OR7A10: variants seen among roughly 807,000 people sequenced by gnomAD.
OR7A10 encodes the protein olfactory receptor 7A10.
For missense variants in OR7A10, 358 were observed against 370.1 expected (o/e 0.97, Z 0.27); for synonymous variants, 144 against 144.5 (o/e 1.00, Z 0.02).
intron 1 of OR7A10, among the ~76,000 whole-genome samples, chr19:14,847,878 A>C (rs1469593996): frequency 6.7e-6 from 1 of 149,414 alleles, no homozygotes; most frequent in Non-Finnish European, 1.5e-5. Context: ...TAATCCCAGC[A>C]CTTTGGGAGG....
chr19:14,844,294 C>T (rs1290135238), intron 1 of OR7A10, among the ~76,000 whole-genome samples: 1 of 152,180 alleles, frequency 6.6e-6, no homozygotes, highest in African/African-American at 2.4e-5. Flanking sequence ...ACTTTGCTTT[C>T]CTGTAAGACC....
chr19:14,842,188 G>A (rs73506450), intron 1 of OR7A10, among the ~76,000 whole-genome samples: 10,189 of 152,250 alleles, frequency 0.067, 521 homozygotes, highest in African/African-American at 0.14. Context: ...ACCATAGTAC[G>A]TAATAGGTGT....
At chr19:14,843,471 C>A (rs1007530522) in intron 1 of OR7A10, among the ~76,000 whole-genome samples, 1 of 152,190 alleles carries the variant, frequency 6.6e-6, no homozygotes, top group Non-Finnish European at 1.5e-5. Flanking sequence ...TGCAGCACAT[C>A]TTTTGAAGTT....
At chr19:14,845,803 C>T (rs1339278685) in intron 1 of OR7A10, among the ~76,000 whole-genome samples, 4 of 152,190 alleles carry the variant, frequency 2.6e-5, no homozygotes, top group Non-Finnish European at 5.9e-5. Context: ...TGTCTGCTGA[C>T]CTTTACAGGG....
In OR7A10 at chr19:14,848,482, G is replaced by C. The variant is rs891083924; in HGVS notation, c.-13+18C>G. 2.0e-5 allele frequency: 3 copies of C among 152,110 alleles called. No homozygotes were observed. Among genetic ancestry groups the C allele is most frequent in the African/African-American group, 7.2e-5 (3 of 41,410 alleles). 9.4% of individuals were successfully genotyped at this position (152,110 alleles called of 1,614,324 possible). Reference sequence around the variant, plus strand: ...TGCAATCTCCCTGATCCTTTCCTACGGTACCTATTGGACTCACCCTGTTGG... The same window carrying C: ...TGCAATCTCCCTGATCCTTTCCTACCGTACCTATTGGACTCACCCTGTTGG... On this transcript the variant is annotated intron_variant, in intron 1 of 1. Transcript: ENST00000641129.
In OR7A10 at chr19:14,841,691, G is replaced by T; in HGVS notation, c.187C>A (p.Leu63Ile). The T allele has an allele frequency of 3.1e-6, 5 of 1,614,184 alleles. 1 individual carries two copies. The South Asian group carries it at 5.5e-5, about 18-fold the overall frequency. ...ATGTCTACGAAGGACAGGTTGGAGA[G>T]GAAGAAGTACATGGGGGTGTGGAGG... is the stretch of plus-strand genomic sequence containing the variant. ...SHLHTPMYFFLSNLSFVDICF... is the reference protein window; with the variant it reads ...SHLHTPMYFFISNLSFVDICF... The change falls in exon 2 of 2, where the codon CTC (leucine) becomes ATC (isoleucine). Residue 63 changes from leucine (L) to isoleucine (I), a missense_variant. Coordinates refer to ENST00000641129, the MANE Select transcript of OR7A10 (RefSeq NM_001005190.2).
At chr19:14,846,727 G>GAAAAAAAAAAAAAAAAAAAAAAAAAA (rs1242384296) in intron 1 of OR7A10, among the ~76,000 whole-genome samples, 1 of 75,032 alleles carries the variant, frequency 1.3e-5, no homozygotes. Context: ...AAAAAAAAAG[G>GAAAAAAAAAAAAAAAAAAAAAAAAAA]AAAAGGAAGT....
chr19:14,841,460 G>A lies in OR7A10; in HGVS notation c.418C>T (p.Leu140Phe). The A allele has an allele frequency of 6.2e-7, 1 of 1,614,206 alleles. No individual in the cohort carries two copies. The highest frequency in any genetic ancestry group is 1.1e-5 in the South Asian group (1 of 91,082). Residue 140 changes from leucine to phenylalanine, a missense_variant, in exon 2 of 2, where the codon CTC becomes TTC. Physicochemically the swap from Leu to Phe is conservative, Grantham distance 22 (BLOSUM62 0). Transcript: ENST00000641129. ...LHYMVIMNPQ[L>F]CGLLVLASWI... Reference sequence around the variant, plus strand: ...GATGCCAGAACCAGCAGTCCACAGAGTTGAGGGTTCATAATGACCATGTAG... The same window carrying A: ...GATGCCAGAACCAGCAGTCCACAGAATTGAGGGTTCATAATGACCATGTAG...
rs764381921 is a variant in OR7A10 at position 14,841,290 on chromosome 19, G to A, written c.588C>T (p.Asp196=). ...GCGCTACTGCAAAATACATCACTAT[G>A]TCATTAAGAAAGGTGTCAGAACAGG... ...HLACSDTFLN[D]IVMYFAVALL... is the part of the protein sequence containing the mutation. The change falls in exon 2 of 2, where the codon GAC becomes GAT. Residue 196 remains aspartate (D), a synonymous_variant. Transcript: ENST00000641129. 4 of 1,614,162 alleles carry A rather than the reference G, an allele frequency of 2.5e-6. No individual in the cohort carries two copies. The highest frequency in any genetic ancestry group is 4.5e-5 in the East Asian group (2 of 44,888).
intron 1 of OR7A10, among the ~76,000 whole-genome samples, chr19:14,845,320 C>T (rs1378775366): frequency 6.6e-6 from 1 of 151,426 alleles, no homozygotes; most frequent in African/African-American, 2.4e-5. Context: ...ACTAAAAATA[C>T]AAAAATTAGC....
chr19:14,842,809 T>C (rs945691927), intron 1 of OR7A10, among the ~76,000 whole-genome samples: 11 of 152,184 alleles, frequency 7.2e-5, no homozygotes, highest in African/African-American at 2.4e-4. Flanking sequence ...TAATTGTGAA[T>C]AGTGCTGTGA....
In OR7A10 at chr19:14,846,560, A is replaced by G. The variant is rs970556442; in HGVS notation, c.-13+1940T>C. On this transcript the variant is annotated intron_variant, in intron 1 of 1. Transcript: ENST00000641129. ...AGAATATGACAGGAAGTCTTTTAAA[A>G]TTATCTGCGTGTGGTGGTTGGTGCC... 5.3e-5 allele frequency among the ~76,000 whole-genome samples: 8 copies of G among 151,836 alleles called. No individual in the cohort carries two copies. In the South Asian group the frequency reaches 1.7e-3, roughly 32 times the overall value.
chr19:14,847,072 A>G lies in OR7A10; in HGVS notation c.-13+1428T>C, dbSNP rs150693885. Among the ~76,000 whole-genome samples, 17 of 152,388 alleles carry G rather than the reference A, an allele frequency of 1.1e-4. No homozygotes were observed. The East Asian group carries it at 3.1e-3, about 28-fold the overall frequency. On this transcript the variant is annotated intron_variant, in intron 1 of 1. Transcript: ENST00000641129. ...TACACAAAAGAACATAAAACAGCTA[A>G]GAAAAAAGTACATATAAGAACATTC...
chr19:14,841,204 A>G lies in OR7A10; in HGVS notation c.674T>C (p.Ile225Thr). 6.2e-7 allele frequency: 1 copy of G among 1,614,178 alleles called. No homozygotes were observed. Among genetic ancestry groups the G allele is most frequent in the East Asian group, 2.2e-5 (1 of 44,882 alleles). The stretch of plus-strand genomic sequence containing the variant: ...CCCCTGAGCTGATGAGATTGCACGT[A>G]TGGAGGAAACTATCTTAGAGTAAGA... ...LYSYSKIVSSIRAISSAQGKY... is the reference protein window; with the variant it reads ...LYSYSKIVSSTRAISSAQGKY... Residue 225 changes from isoleucine (I) to threonine (T), a missense_variant, in exon 2 of 2, where the codon ATA (isoleucine) becomes ACA (threonine). By Grantham distance (89) the Ile-to-Thr change is moderately conservative. Transcript: ENST00000641129.
rs377526295 is a variant in OR7A10, at chr19:14,841,550, A to G, written c.328T>C (p.Leu110=). 820 of 1,614,082 alleles carry G rather than the reference A, an allele frequency of 5.1e-4. 1 individual carries two copies. Among genetic ancestry groups the G allele is most frequent in the Non-Finnish European group, 6.4e-4 (753 of 1,180,048 alleles). Residue 110 remains leucine (L), a synonymous_variant, in exon 2 of 2, where the codon TTG becomes CTG. Coordinates refer to ENST00000641129, the MANE Select transcript of OR7A10 (RefSeq NM_001005190.2). Reference sequence around the variant, plus strand: ...ATCACGGTCAGAAGGAAGTTATCCAATCCTACAAAGAGTAAGAAAAAGCAC... The same window carrying G: ...ATCACGGTCAGAAGGAAGTTATCCAGTCCTACAAAGAGTAAGAAAAAGCAC... ...QMCFFLLFVG[L]DNFLLTVMAY... is the part of the protein sequence containing the mutation.
In OR7A10 at chr19:14,843,438, G is replaced by A. The variant is rs562702343; in HGVS notation, c.-12-1549C>T. ...GTCTTTTGAGAATACAGTGTATCAC[G>A]GTGAACTGTTGTCACTATGCTGTGC... On this transcript the variant is annotated intron_variant, in intron 1 of 1. Coordinates refer to ENST00000641129, the MANE Select transcript of OR7A10 (RefSeq NM_001005190.2). Among the ~76,000 whole-genome samples the A allele has an allele frequency of 1.2e-4, 19 of 152,242 alleles. No individual in the cohort carries two copies. In the South Asian group the frequency reaches 3.5e-3, roughly 28 times the overall value.
rs1348866444 is a variant in OR7A10 at position 14,844,664 on chromosome 19, G to GTTTTTTTTTTTTTTTTTTTTTTTTTTT, written c.-12-2776_-12-2775insAAAAAAAAAAAAAAAAAAAAAAAAAAA. Among the ~76,000 whole-genome samples, 150 of 97,630 alleles carry GTTTTTTTTTTTTTTTTTTTTTTTTTTT rather than the reference G, an allele frequency of 1.5e-3. 20 individuals are homozygous for GTTTTTTTTTTTTTTTTTTTTTTTTTTT. The highest frequency in any genetic ancestry group is 0.011 in the Middle Eastern group (2 of 174). 64.0% of individuals were successfully genotyped at this position (97,630 alleles called of 152,430 possible). On this transcript the variant is annotated intron_variant, in intron 1 of 1. Coordinates refer to ENST00000641129, the MANE Select transcript of OR7A10 (RefSeq NM_001005190.2). ...TTTTCACTGTTGCCTTGAGTTCTGT[G>GTTTTTTTTTTTTTTTTTTTTTTTTTTT]TTTTTTTTTTTTTTTTGAGATGGAG...
chr19:14,848,485 A>T lies in OR7A10; in HGVS notation c.-13+15T>A, dbSNP rs966101513. On this transcript the variant is annotated intron_variant, in intron 1 of 1. Coordinates refer to ENST00000641129, the MANE Select transcript of OR7A10 (RefSeq NM_001005190.2). ...AATCTCCCTGATCCTTTCCTACGGTACCTATTGGACTCACCCTGTTGGGTT... is the reference window on the plus strand; with the variant it reads ...AATCTCCCTGATCCTTTCCTACGGTTCCTATTGGACTCACCCTGTTGGGTT... 6.6e-6 allele frequency: 1 copy of T among 152,216 alleles called. No homozygotes were observed. The highest frequency in any genetic ancestry group is 1.5e-5 in the Non-Finnish European group (1 of 68,056). 9.4% of individuals were successfully genotyped at this position (152,216 alleles called of 1,614,324 possible). A position where few individuals can be genotyped will look rare whatever the true frequency, so the allele number is the denominator to read the frequency against.
chr19:14,847,933 G>C (rs1038695896), intron 1 of OR7A10, among the ~76,000 whole-genome samples: 8 of 151,126 alleles, frequency 5.3e-5, no homozygotes, highest in African/African-American at 2.0e-4. Context: ...GACCATCCTG[G>C]CCAACATGGT....
Sources: gnomAD v4.1 joint callset for allele counts (sites outside exome capture counted in the v4.1 genomes callset) on GRCh38, gnomAD v4.1.1 for gene constraint, MANE v1.5 for transcripts, NCBI Gene and HGNC (gene_info 2026-07-23, HGNC 2026-07-21) for gene names.